The following KCNAB2 variants were observed in gnomAD, a reference collection of about 807,000 sequenced individuals.
KCNAB2 encodes potassium voltage-gated channel subfamily A regulatory beta subunit 2, also known as voltage-gated potassium channel subunit beta-2.
Under a neutral mutation model 63.6 loss-of-function variants are expected in KCNAB2, and 29 were observed. That is an observed-to-expected ratio of 0.46 (90% confidence interval 0.34 to 0.62). The LOEUF is 0.62. Among genes scored for constraint, KCNAB2 ranks in the 20% least tolerant of loss-of-function variants. The pLI is 0.01. For missense variants in KCNAB2, 359 were observed against 563.9 expected (o/e 0.64, Z 3.68); for synonymous variants, 222 against 224.2 (o/e 0.99, Z 0.09).
At position 6,094,404 on chromosome 1, in the gene KCNAB2, C is replaced by G; in HGVS notation, c.651C>G (p.Thr217=). The G allele has an allele frequency of 6.2e-7, 1 of 1,609,410 alleles. No homozygotes were observed. The highest frequency in any genetic ancestry group is 8.5e-7 in the Non-Finnish European group (1 of 1,178,438). ...SKSRTFIIEE[T]VRAMTHVINQ... ...TTTCCCTTTCTCTCACGACAGAGAC[C>G]GTCCGCGCCATGACCCACGTCATCA... The change falls in exon 11 of 16, where the codon ACC becomes ACG. Residue 217 remains threonine (T), a synonymous_variant. Transcript: ENST00000378083.
intron 15 of KCNAB2, 52 bp from the exon 16 acceptor site, chr1:6,098,433 C>G (rs1055211657): frequency 1.2e-6 from 2 of 1,607,238 alleles, no homozygotes; most frequent in African/African-American, 2.7e-5. Context: ...CCTCCCCAGG[C>G]CAGGCCCGTC....
At chr1:6,052,144 A>G (rs1661448663) in intron 2 of KCNAB2, among the ~76,000 whole-genome samples, 1 of 150,670 alleles carries the variant, frequency 6.6e-6, no homozygotes. Context: ...AAATGAGGCC[A>G]GGCACGGTGG....
At position 6,071,168 on chromosome 1, in the gene KCNAB2, G is replaced by T. The variant is rs1359839533; in HGVS notation, c.219-1587G>T. Among the ~76,000 whole-genome samples the T allele has an allele frequency of 6.6e-6, 1 of 152,190 alleles. No individual in the cohort carries two copies. Among genetic ancestry groups the T allele is most frequent in the African/African-American group, 2.4e-5 (1 of 41,444 alleles). On this transcript the variant is annotated intron_variant, in intron 2 of 15. Coordinates refer to ENST00000378083, the MANE Select transcript of KCNAB2 (RefSeq NM_001199862.2). The surrounding 1 kb of genome is among the most constrained non-coding windows in gnomAD (Gnocchi z 8.5). ...TCAGAAGTCGGGGGTTCAGAATGAG[G>T]CTTGAGCCCCATGCCGCCTTCCCAG...
At chr1:6,009,988 G>C (rs1175159619) in intron 1 of KCNAB2, among the ~76,000 whole-genome samples, 2 of 151,266 alleles carry the variant, frequency 1.3e-5, no homozygotes, top group South Asian at 2.1e-4. Context: ...CTCCTGCCTC[G>C]GCCTCTGGTG....
intron 5 of KCNAB2, among the ~76,000 whole-genome samples, chr1:6,083,827 G>A (rs1417866395): frequency 6.6e-6 from 1 of 152,226 alleles, no homozygotes; most frequent in African/African-American, 2.4e-5. Flanking sequence ...GCTTCTCAGA[G>A]AGCTGCAGGA....
chr1:6,093,274 C>T (rs1557513081), intron 10 of KCNAB2, among the ~76,000 whole-genome samples: 1 of 152,250 alleles, frequency 6.6e-6, no homozygotes, highest in Non-Finnish European at 1.5e-5. Context: ...CTCACTCCCA[C>T]ACTGCCTTTG....
Position 6,046,028 on chromosome 1 carries a change from T to A in KCNAB2, c.-182T>A. On this transcript the variant is annotated 5_prime_UTR_variant, in exon 1 of 16. Transcript: ENST00000378083. ...TGGACTCGCTGCCTCAAAACTCGAC[T>A]CTGGTGGGACTCATCTCATTCACCA... is the stretch of plus-strand genomic sequence containing the variant. 4.1e-6 allele frequency: 4 copies of A among 985,460 alleles called. No homozygotes were observed. Among genetic ancestry groups the A allele is most frequent in the Non-Finnish European group, 4.8e-6 (4 of 829,944 alleles). The allele number at this position is 985,460 out of a possible 1,614,324, so 61.0% of individuals were successfully genotyped here. A position where few individuals can be genotyped will look rare whatever the true frequency, so the allele number is the denominator to read the frequency against.
intron 5 of KCNAB2, among the ~76,000 whole-genome samples, chr1:6,083,229 G>A (rs918161428): frequency 2.0e-5 from 3 of 152,190 alleles, no homozygotes; most frequent in Non-Finnish European, 4.4e-5. Flanking sequence ...CCCAGCGGAG[G>A]GGTCTGAGGT....
intron 1 of KCNAB2, among the ~76,000 whole-genome samples, chr1:6,015,733 C>T (rs1658458049): frequency 6.6e-6 from 1 of 152,122 alleles, no homozygotes; most frequent in African/African-American, 2.4e-5. Context: ...GAGACAGGAT[C>T]TCGATCTGTC....
chr1:6,053,543 C>T (rs1464950445), intron 2 of KCNAB2, among the ~76,000 whole-genome samples: 1 of 152,110 alleles, frequency 6.6e-6, no homozygotes, highest in Admixed American at 6.5e-5. Flanking sequence ...AACATTCCAG[C>T]CCAAGAGGAG....
intron 15 of KCNAB2, 75 bp from the exon 16 acceptor site, chr1:6,098,410 C>T (rs1010542780): frequency 5.0e-6 from 8 of 1,588,652 alleles, no homozygotes; most frequent in Non-Finnish European, 6.9e-6. Context: ...TCTGGAAGAG[C>T]CTGGCCCCAC....
chr1:6,011,593 G>C (rs867814831), intron 1 of KCNAB2, among the ~76,000 whole-genome samples: 1 of 152,246 alleles, frequency 6.6e-6, no homozygotes, highest in South Asian at 2.1e-4. Flanking sequence ...GCACTTGGAC[G>C]TCATGCTGAC....
chr1:6,041,972 C>G, upstream of KCNAB2: 3 of 1,108,932 alleles, frequency 2.7e-6, no homozygotes, highest in Non-Finnish European at 2.7e-6. Flanking sequence ...GGTGTATTCT[C>G]TGAAGCCAAA....
At position 6,099,532 on chromosome 1, in the gene KCNAB2, C is replaced by T. The variant is rs568073130; in HGVS notation, c.*958C>T. ...CACCACGGCAAGTGGCAGCAGGGGC[C>T]GGCCCTGTGCACAAGGATGCACTCC... On this transcript the variant is annotated 3_prime_UTR_variant, in exon 16 of 16. Coordinates refer to ENST00000378083, the MANE Select transcript of KCNAB2 (RefSeq NM_001199862.2). 6 of 390,612 alleles carry T rather than the reference C, an allele frequency of 1.5e-5. No individual in the cohort carries two copies. The highest frequency in any genetic ancestry group is 8.4e-5 in the Admixed American group (2 of 23,758). 24.2% of individuals were successfully genotyped at this position (390,612 alleles called of 1,614,324 possible).
chr1:6,060,961 C>T (rs1662263164), intron 2 of KCNAB2, among the ~76,000 whole-genome samples: 1 of 151,414 alleles, frequency 6.6e-6, no homozygotes, highest in Non-Finnish European at 1.5e-5. Context: ...GAGCCCTCCA[C>T]AGGCCTCGTT....
rs772560979 is a variant in KCNAB2, at chr1:6,095,444, G to GT, written c.853+2dup. On this transcript the variant is annotated splice_donor_variant, in intron 12 of 15. Coordinates refer to ENST00000378083, the MANE Select transcript of KCNAB2 (RefSeq NM_001199862.2). LOFTEE classifies it high-confidence loss of function. The stretch of plus-strand genomic sequence containing the variant: ...CTGCCGGAGCTGTTCCACAAGATAG[G>GT]TGGGCACCCTCGGGCCCCTCGCCCC... 10 of 1,612,936 alleles carry GT rather than the reference G, an allele frequency of 6.2e-6. No individual in the cohort carries two copies. The highest frequency in any genetic ancestry group is 8.5e-6 in the Non-Finnish European group (10 of 1,180,008).
chr1:6,016,753 T>C (rs1658527950), intron 1 of KCNAB2, among the ~76,000 whole-genome samples: 1 of 152,222 alleles, frequency 6.6e-6, no homozygotes, highest in Admixed American at 6.5e-5. Flanking sequence ...ACTGGACTTC[T>C]GCGTGGGCCC....
At position 6,056,075 on chromosome 1, in the gene KCNAB2, C is replaced by T. The variant is rs571380876; in HGVS notation, c.218+4321C>T. Among the ~76,000 whole-genome samples, 77 of 152,146 alleles carry T rather than the reference C, an allele frequency of 5.1e-4. 1 individual carries two copies. The South Asian group carries it at 5.8e-3, about 11-fold the overall frequency. Reference sequence around the variant, plus strand: ...CCAGTTTTTTTTTGAGACAGAGTCTCACTCTGTCACCCAGGCTGGAGTGCA... The same window carrying T: ...CCAGTTTTTTTTTGAGACAGAGTCTTACTCTGTCACCCAGGCTGGAGTGCA... On this transcript the variant is annotated intron_variant, in intron 2 of 15. Coordinates refer to ENST00000378083, the MANE Select transcript of KCNAB2 (RefSeq NM_001199862.2).
At chr1:6,063,213 C>T (rs1024420976) in intron 2 of KCNAB2, among the ~76,000 whole-genome samples, 4 of 151,294 alleles carry the variant, frequency 2.6e-5, no homozygotes, top group African/African-American at 9.7e-5. Flanking sequence ...TTAATAGAGA[C>T]GGGGTTTCGC....
Sources: allele counts gnomAD v4.1 joint callset (sites outside exome capture counted in the v4.1 genomes callset), GRCh38; gene constraint gnomAD v4.1.1; non-coding constraint Gnocchi (gnomAD v3.1); transcripts MANE v1.5; gene names NCBI Gene and HGNC (gene_info 2026-07-23, HGNC 2026-07-21).